SMYD3: variants seen among roughly 807,000 people sequenced by gnomAD.
SMYD3 encodes the protein histone-lysine N-methyltransferase SMYD3.
In SMYD3, 36 loss-of-function variants were observed where a neutral mutation model predicts 57.7. The ratio of observed to expected loss-of-function variants is 0.62; its 90% CI spans 0.48 to 0.82. SMYD3 has a LOEUF of 0.82. SMYD3 is among the 40% of genes least tolerant of loss of function. The probability of loss-of-function intolerance (pLI) is 0.00; values close to 1 mark genes in which losing one functional copy is unlikely to be tolerated. For missense variants in SMYD3, 515 were observed against 538.8 expected (o/e 0.96, Z 0.44); for synonymous variants, 211 against 195.0 (o/e 1.08, Z -0.68).
At chr1:245,999,847 A>G (rs2059005040) in intron 5 of SMYD3, among the ~76,000 whole-genome samples, 1 of 152,208 alleles carries the variant, frequency 6.6e-6, no homozygotes, top group Non-Finnish European at 1.5e-5. Context: ...GAGGTTATAA[A>G]ATCTGCTTTA....
At chr1:245,840,534 G>T (rs1306686584) in intron 10 of SMYD3, among the ~76,000 whole-genome samples, 1 of 152,080 alleles carries the variant, frequency 6.6e-6, no homozygotes, top group Non-Finnish European at 1.5e-5. Flanking sequence ...TCAATATAGT[G>T]TTTGAGGTGT....
intron 5 of SMYD3, among the ~76,000 whole-genome samples, chr1:246,244,663 CAT>C (rs1410809009): frequency 6.6e-6 from 1 of 152,112 alleles, no homozygotes; most frequent in Non-Finnish European, 1.5e-5. Context: ...AGATCCTTGG[CAT>C]ATGTTATAAA....
rs184607460 is a variant in SMYD3 at position 246,295,815 on chromosome 1, A to C, written c.531+31386T>G. The stretch of plus-strand genomic sequence containing the variant: ...GGAAATCTGAATCCTCTGAGCAAGA[A>C]AAATAAATCGTTAAACAATTGAGAT... On this transcript the variant is annotated intron_variant, in intron 5 of 11. Transcript: ENST00000490107. Among the ~76,000 whole-genome samples, 10 of 152,332 alleles carry C rather than the reference A, an allele frequency of 6.6e-5. No homozygotes were observed. The East Asian group carries it at 1.9e-3, about 29-fold the overall frequency.
intron 1 of SMYD3, among the ~76,000 whole-genome samples, chr1:246,487,820 C>A (rs939693447): frequency 3.3e-5 from 5 of 151,888 alleles, no homozygotes; most frequent in African/African-American, 1.2e-4. Context: ...TCAGCCTCCC[C>A]AGTAGCTGGG....
intron 10 of SMYD3, among the ~76,000 whole-genome samples, chr1:245,816,596 G>T (rs1327607410): frequency 6.6e-6 from 1 of 151,690 alleles, no homozygotes; most frequent in African/African-American, 2.4e-5. Context: ...CAGCGTGAGT[G>T]ACATAGAAGA....
At chr1:246,356,831 C>G (rs538161310) in intron 1 of SMYD3, among the ~76,000 whole-genome samples, 70 of 151,756 alleles carry the variant, frequency 4.6e-4, no homozygotes, top group Non-Finnish European at 8.8e-4. Context: ...TTGGTGTTCC[C>G]AAGACAAAAA....
chr1:245,885,735 C>T (rs1237374194), intron 8 of SMYD3, among the ~76,000 whole-genome samples: 6 of 152,254 alleles, frequency 3.9e-5, no homozygotes, highest in South Asian at 2.1e-4. Context: ...TGCATAAAAA[C>T]GTTCATGGTC....
chr1:245,947,027 T>C (rs528449687), intron 5 of SMYD3, among the ~76,000 whole-genome samples: 1 of 152,342 alleles, frequency 6.6e-6, no homozygotes, highest in African/African-American at 2.4e-5. Flanking sequence ...ATGAGTCTGC[T>C]GCTCTTCCGT....
intron 10 of SMYD3, among the ~76,000 whole-genome samples, chr1:245,771,139 TATACATAC>T (rs140025152): frequency 6.6e-6 from 1 of 151,656 alleles, no homozygotes; most frequent in South Asian, 2.1e-4. Flanking sequence ...TACATGTATA[TATACATAC>T]ATACATACAT....
intron 5 of SMYD3, among the ~76,000 whole-genome samples, chr1:246,073,978 C>G (rs954559950): frequency 6.6e-6 from 1 of 152,202 alleles, no homozygotes; most frequent in African/African-American, 2.4e-5. Context: ...CTAGGTCAAG[C>G]TTGTCCAACC....
At chr1:246,427,261 C>T (rs1403888068) in intron 1 of SMYD3, among the ~76,000 whole-genome samples, 1 of 152,220 alleles carries the variant, frequency 6.6e-6, no homozygotes, top group African/African-American at 2.4e-5. Flanking sequence ...TGGCTCACGC[C>T]TGTAATCCCA....
intron 2 of SMYD3, among the ~76,000 whole-genome samples, chr1:246,337,830 C>T (rs973172992): frequency 6.6e-6 from 1 of 152,112 alleles, no homozygotes; most frequent in Admixed American, 6.5e-5. Context: ...TGATAGCTTA[C>T]CAGGGTGAGA....
At position 245,923,536 on chromosome 1, in the gene SMYD3, T is replaced by C. The variant is rs146647584; in HGVS notation, c.702+4395A>G. 4.8e-3 allele frequency among the ~76,000 whole-genome samples: 737 copies of C among 152,320 alleles called. 8 individuals carry two copies. Among genetic ancestry groups the C allele is most frequent in the African/African-American group, 0.017 (708 of 41,558 alleles). On this transcript the variant is annotated intron_variant, in intron 7 of 11. Transcript: ENST00000490107. ...TCTAAATTCTTTCGTCGTCTATTGA[T>C]GAGAACTGCTTCCTACTCCTTGAAC...
At chr1:245,850,311 GT>G (rs760703560) in intron 10 of SMYD3, among the ~76,000 whole-genome samples, 11 of 152,268 alleles carry the variant, frequency 7.2e-5, no homozygotes, top group Non-Finnish European at 1.6e-4. Context: ...ACCCGAAAGT[GT>G]TTTAGGCAGA....
chr1:246,132,138 C>T (rs1168259936), intron 5 of SMYD3, among the ~76,000 whole-genome samples: 1 of 151,986 alleles, frequency 6.6e-6, no homozygotes, highest in African/African-American at 2.4e-5. Context: ...GCATGCTTAC[C>T]AAATTTAGAG....
At chr1:245,781,825 T>C (rs2046837544) in intron 10 of SMYD3, among the ~76,000 whole-genome samples, 1 of 152,100 alleles carries the variant, frequency 6.6e-6, no homozygotes. Flanking sequence ...CAAATTTAGC[T>C]GAGCGTGGTG....
intron 1 of SMYD3, among the ~76,000 whole-genome samples, chr1:246,387,470 C>G (rs1018286943): frequency 6.6e-5 from 10 of 152,174 alleles, no homozygotes; most frequent in Admixed American, 3.3e-4. Context: ...TTATTCATCC[C>G]ACAGATATTT....
chr1:246,236,272 C>T (rs751898532), intron 5 of SMYD3, among the ~76,000 whole-genome samples: 3 of 151,986 alleles, frequency 2.0e-5, no homozygotes, highest in African/African-American at 7.3e-5. Context: ...ACAATGTTGC[C>T]GAGGCTGGCA....
At chr1:246,496,596 T>C (rs1003932423) in intron 1 of SMYD3, among the ~76,000 whole-genome samples, 2 of 152,096 alleles carry the variant, frequency 1.3e-5, no homozygotes, top group Non-Finnish European at 2.9e-5. Context: ...GGGAGGCCGA[T>C]GCAGGTGAAT....
Sources: allele counts gnomAD v4.1 joint callset (sites outside exome capture counted in the v4.1 genomes callset), GRCh38; gene constraint gnomAD v4.1.1; transcripts MANE v1.5; gene names NCBI Gene and HGNC (gene_info 2026-07-23, HGNC 2026-07-21).